Variants in ASCC3 observed in about 807,000 individuals in gnomAD.
ASCC3 encodes activating signal cointegrator 1 complex subunit 3.
A neutral mutation model predicts 256.3 loss-of-function variants in ASCC3; 158 were observed. The observed-to-expected ratio is 0.62, with a 90% CI of 0.54 to 0.70. The LOEUF (loss-of-function observed/expected upper bound fraction) is 0.70, where lower values mean the gene tolerates loss of function less well. ASCC3 is among the 30% of genes least tolerant of loss of function. The probability of loss-of-function intolerance (pLI) is 0.00; values close to 1 mark genes in which losing one functional copy is unlikely to be tolerated. For synonymous variants in ASCC3, 948 were observed against 883.4 expected (o/e 1.07, Z -1.30); for missense variants, 2,259 against 2,626.0 (o/e 0.86, Z 3.05).
At chr6:100,578,270 A>G (rs1450564757) in intron 36 of ASCC3, among the ~76,000 whole-genome samples, 1 of 152,112 alleles carries the variant, frequency 6.6e-6, no homozygotes. Context: ...GTAATTAATT[A>G]AACTTTAATT....
Position 100,661,949 on chromosome 6 carries a change from C to T in ASCC3, c.2560G>A (p.Gly854Arg), listed in dbSNP as rs1359655980. 6.2e-7 allele frequency: 1 copy of T among 1,613,344 alleles called. No individual in the cohort carries two copies. The highest frequency in any genetic ancestry group is 1.7e-5 in the Admixed American group (1 of 59,900). Residue 854 changes from glycine (G) to arginine (R), a missense_variant, in exon 16 of 42, where the codon GGA (glycine) becomes AGA (arginine). Gly to Arg is a moderately radical substitution (Grantham distance 125). Transcript: ENST00000369162. Reference sequence around the variant, plus strand: ...CCAAATTTGTCAAATTGTGGTCGTCCAGCTCGACCAAATATCTGCATGACA... The same window carrying T: ...CCAAATTTGTCAAATTGTGGTCGTCTAGCTCGACCAAATATCTGCATGACA... ...LDVMQIFGRA[G>R]RPQFDKFGEG...
chr6:100,557,580 G>T (rs542181803), intron 36 of ASCC3, among the ~76,000 whole-genome samples: 1 of 151,960 alleles, frequency 6.6e-6, no homozygotes, highest in African/African-American at 2.4e-5. Context: ...CATTAGTATG[G>T]TATAATTCAG....
chr6:100,846,993 T>C (rs1167899989), intron 4 of ASCC3, among the ~76,000 whole-genome samples: 1 of 152,108 alleles, frequency 6.6e-6, no homozygotes, highest in African/African-American at 2.4e-5. Flanking sequence ...AAGCATACAA[T>C]AAATATATGA....
intron 11 of ASCC3, among the ~76,000 whole-genome samples, 200 bp downstream of exon 11, chr6:100,725,339 A>G (rs1005218905): frequency 1.3e-5 from 2 of 151,924 alleles, no homozygotes; most frequent in Non-Finnish European, 2.9e-5. Context: ...GAATTTACCA[A>G]TTTTGGTTTG....
At chr6:100,798,583 G>A in intron 8 of ASCC3, 130 bp downstream of exon 8, 2 of 1,379,378 alleles carry the variant, frequency 1.4e-6, no homozygotes, top group African/African-American at 1.4e-5. Flanking sequence ...TAATTCTCTA[G>A]TAACCAACTA....
At chr6:100,539,238 T>C (rs1282335026) in intron 37 of ASCC3, among the ~76,000 whole-genome samples, 1 of 152,204 alleles carries the variant, frequency 6.6e-6, no homozygotes, top group Non-Finnish European at 1.5e-5. Context: ...TCAGATTCCA[T>C]ATTGCAACTA....
At chr6:100,543,223 C>T (rs1775548221) in intron 36 of ASCC3, among the ~76,000 whole-genome samples, 1 of 123,302 alleles carries the variant, frequency 8.1e-6, no homozygotes. Flanking sequence ...ATACTTAATA[C>T]AACGTAAATG....
At chr6:100,570,754 C>T (rs1770547746) in intron 36 of ASCC3, among the ~76,000 whole-genome samples, 1 of 152,170 alleles carries the variant, frequency 6.6e-6, no homozygotes, top group Non-Finnish European at 1.5e-5. Flanking sequence ...ATACACCCTG[C>T]TCTTTATTCA....
intron 36 of ASCC3, among the ~76,000 whole-genome samples, chr6:100,546,505 G>A (rs187966998): frequency 2.0e-4 from 31 of 152,094 alleles, no homozygotes; most frequent in Admixed American, 7.2e-4. Context: ...AAACTTACAG[G>A]AACAGCACAG....
intron 30 of ASCC3, among the ~76,000 whole-genome samples, chr6:100,622,884 A>G (rs1489762040): frequency 1.3e-5 from 2 of 152,036 alleles, no homozygotes; most frequent in African/African-American, 2.4e-5. Flanking sequence ...GGTCTCATAT[A>G]TTAAAATTAA....
At position 100,530,573 on chromosome 6, in the gene ASCC3, C is replaced by T. The variant is rs186427148; in HGVS notation, c.5775+9590G>A. 458 of 785,986 alleles carry T rather than the reference C, an allele frequency of 5.8e-4. 1 individual carries two copies. The highest frequency in any genetic ancestry group is 4.6e-3 in the African/African-American group (270 of 59,328). The allele number at this position is 785,986 out of a possible 1,614,324, so 48.7% of individuals were successfully genotyped here. ...ATGGCCTGGCACTCAATCCAGCCAGCATTAGTGTGTTGATTATTGCATGGA... is the reference window on the plus strand; with the variant it reads ...ATGGCCTGGCACTCAATCCAGCCAGTATTAGTGTGTTGATTATTGCATGGA... On this transcript the variant is annotated intron_variant, in intron 37 of 41. Transcript: ENST00000369162.
At chr6:100,739,475 C>T (rs1209289701) in intron 10 of ASCC3, among the ~76,000 whole-genome samples, 1 of 152,106 alleles carries the variant, frequency 6.6e-6, no homozygotes, top group African/African-American at 2.4e-5. Context: ...AGGGAGGAGT[C>T]CCTCCTTTAA....
intron 13 of ASCC3, among the ~76,000 whole-genome samples, chr6:100,704,723 T>A (rs751714497): frequency 6.6e-6 from 1 of 152,026 alleles, no homozygotes; most frequent in Non-Finnish European, 1.5e-5. Context: ...TCAGCATTAA[T>A]CCAAGGTTGA....
At chr6:100,533,262 A>G (rs886252545) in intron 37 of ASCC3, among the ~76,000 whole-genome samples, 4 of 152,196 alleles carry the variant, frequency 2.6e-5, no homozygotes, top group Non-Finnish European at 4.4e-5. Flanking sequence ...CTAAGCATTT[A>G]TAATTACTGT....
intron 8 of ASCC3, among the ~76,000 whole-genome samples, chr6:100,771,770 T>C (rs1326149545): frequency 8.5e-6 from 1 of 117,446 alleles, no homozygotes; most frequent in Non-Finnish European, 1.8e-5. Context: ...TTAATTTTTT[T>C]AATTGCAAGT....
intron 8 of ASCC3, among the ~76,000 whole-genome samples, chr6:100,771,184 G>T (rs895611770): frequency 1.3e-5 from 2 of 152,022 alleles, no homozygotes; most frequent in African/African-American, 4.8e-5. Flanking sequence ...GATGACAAAG[G>T]TCAGCATTTT....
intron 4 of ASCC3, among the ~76,000 whole-genome samples, chr6:100,845,847 A>T (rs1435848311): frequency 6.6e-6 from 1 of 152,204 alleles, no homozygotes; most frequent in South Asian, 2.1e-4. Flanking sequence ...ATTAGTCATT[A>T]TGTCAATTAA....
chr6:100,621,510 G>A (rs1773950225), intron 30 of ASCC3, among the ~76,000 whole-genome samples: 2 of 152,174 alleles, frequency 1.3e-5, no homozygotes, highest in Non-Finnish European at 2.9e-5. Context: ...CTGATCATTA[G>A]AGAAATGCAA....
chr6:100,553,649 C>T (rs552050708), intron 36 of ASCC3, among the ~76,000 whole-genome samples: 1 of 152,174 alleles, frequency 6.6e-6, no homozygotes, highest in Non-Finnish European at 1.5e-5. Flanking sequence ...GATCGACAAC[C>T]TATGATGAAC....
Sources: gnomAD v4.1 joint callset for allele counts (sites outside exome capture counted in the v4.1 genomes callset) on GRCh38, gnomAD v4.1.1 for gene constraint, MANE v1.5 for transcripts, NCBI Gene and HGNC (gene_info 2026-07-23, HGNC 2026-07-21) for gene names.